The following HCRTR2 variants were observed in gnomAD, a reference collection of about 807,000 sequenced individuals.
HCRTR2 encodes hypocretin receptor 2, also known as orexin receptor type 2.
A neutral mutation model predicts 49.0 loss-of-function variants in HCRTR2; 22 were observed. That is an observed-to-expected ratio of 0.45 (90% confidence interval 0.32 to 0.64). The LOEUF (loss-of-function observed/expected upper bound fraction) is 0.64, where lower values mean the gene tolerates loss of function less well. Among genes scored for constraint, HCRTR2 ranks in the 30% least tolerant of loss-of-function variants. The probability of loss-of-function intolerance (pLI) is 0.04; values close to 1 mark genes in which losing one functional copy is unlikely to be tolerated. For synonymous variants in HCRTR2, 236 were observed against 205.3 expected, an observed-to-expected ratio of 1.15 and a Z score of -1.28; for missense variants, 491 against 559.4, an observed-to-expected ratio of 0.88 and a Z score of 1.23.
At chr6:55,162,355 T>C (rs950546341) in intron 1 of HCRTR2, among the ~76,000 whole-genome samples, 12 of 152,156 alleles carry the variant, frequency 7.9e-5, no homozygotes, top group East Asian at 1.9e-4. Context: ...ATAAGAGCTA[T>C]TTATGACAAA....
At chr6:55,262,128 G>C (rs1014473095) in intron 3 of HCRTR2, among the ~76,000 whole-genome samples, 1 of 151,514 alleles carries the variant, frequency 6.6e-6, no homozygotes, top group South Asian at 2.1e-4. Flanking sequence ...GTGAGGGAGA[G>C]GGGGTGAAGG....
intron 1 of HCRTR2, among the ~76,000 whole-genome samples, chr6:55,229,269 T>A (rs908637454): frequency 1.3e-5 from 2 of 152,196 alleles, no homozygotes; most frequent in African/African-American, 4.8e-5. Flanking sequence ...ACTCAAGTGA[T>A]CCTTTCACCT....
intron 1 of HCRTR2, among the ~76,000 whole-genome samples, chr6:55,204,555 C>T (rs1016006369): frequency 1.3e-5 from 2 of 151,962 alleles, no homozygotes; most frequent in Non-Finnish European, 2.9e-5. Flanking sequence ...AGCCTGATAG[C>T]TTGGATCAAG....
intron 1 of HCRTR2, among the ~76,000 whole-genome samples, chr6:55,197,643 A>T (rs986915477): frequency 6.6e-6 from 1 of 151,898 alleles, no homozygotes; most frequent in African/African-American, 2.4e-5. Context: ...TTTTTTTGAG[A>T]TGGAGTCTCG....
chr6:55,283,187 A>C (rs75411348), downstream of HCRTR2, among the ~76,000 whole-genome samples: 6 of 152,202 alleles, frequency 3.9e-5, no homozygotes, highest in African/African-American at 1.4e-4. Flanking sequence ...CAACAACAAC[A>C]AAAAGTGATA....
At chr6:55,149,676 A>G (rs1450123071) in intron 1 of HCRTR2, among the ~76,000 whole-genome samples, 1 of 152,084 alleles carries the variant, frequency 6.6e-6, no homozygotes, top group Non-Finnish European at 1.5e-5. Context: ...TTGACCATAT[A>G]AAGAACTTTT....
At position 55,205,964 on chromosome 6, in the gene HCRTR2, T is replaced by C. The variant is rs1361098384; in HGVS notation, c.223+31154T>C. ...CATGTACCCCATAAATATATACATC[T>C]ACTATGTACCCACAAAAATTAGAAA... On this transcript the variant is annotated intron_variant, in intron 1 of 6. Transcript: ENST00000370862. 1.3e-4 allele frequency among the ~76,000 whole-genome samples: 20 copies of C among 152,108 alleles called. 1 individual carries two copies. The highest frequency in any genetic ancestry group is 1.3e-3 in the Admixed American group (20 of 15,268).
intron 6 of HCRTR2, among the ~76,000 whole-genome samples, chr6:55,281,062 CGACT>C (rs1581876708): frequency 6.6e-6 from 1 of 152,008 alleles, no homozygotes; most frequent in African/African-American, 2.4e-5. Flanking sequence ...ACATTTTGCC[CGACT>C]GACTTTTAGA....
chr6:55,143,159 T>C (rs1764533055), intron 1 of HCRTR2, among the ~76,000 whole-genome samples: 1 of 134,660 alleles, frequency 7.4e-6, no homozygotes. Flanking sequence ...TTTCCAGTAT[T>C]TACCAATTAT....
rs117200306 is a variant in HCRTR2, at chr6:55,186,107, C to T, written c.223+11297C>T. ...AATTTATTGTTCATTTTTCTGTTGT[C>T]TCCCTTAAGTAAAAGGTAAGCTGCA... On this transcript the variant is annotated intron_variant, in intron 1 of 6. Transcript: ENST00000370862. 4.9e-4 allele frequency among the ~76,000 whole-genome samples: 75 copies of T among 152,262 alleles called. No individual in the cohort carries two copies. The East Asian group carries it at 0.013, about 26-fold the overall frequency.
At chr6:55,227,567 A>C (rs948394747) in intron 1 of HCRTR2, among the ~76,000 whole-genome samples, 17 of 152,216 alleles carry the variant, frequency 1.1e-4, no homozygotes, top group African/African-American at 4.8e-5. Flanking sequence ...TGTGTATTAC[A>C]TACAATCAAA....
intron 1 of HCRTR2, among the ~76,000 whole-genome samples, chr6:55,213,191 A>C (rs1043142659): frequency 3.9e-5 from 6 of 152,202 alleles, no homozygotes; most frequent in African/African-American, 7.2e-5. Context: ...GAACATAGAA[A>C]GGTAGAGTGG....
chr6:55,281,179 A>T (rs1050690087), intron 6 of HCRTR2, among the ~76,000 whole-genome samples: 16 of 152,172 alleles, frequency 1.1e-4, no homozygotes, highest in Non-Finnish European at 2.2e-4. Flanking sequence ...TTTATGTGGA[A>T]GAATAGAAAT....
intron 1 of HCRTR2, among the ~76,000 whole-genome samples, chr6:55,145,601 G>A (rs1021169250): frequency 3.9e-5 from 6 of 151,974 alleles, no homozygotes; most frequent in African/African-American, 1.2e-4. Context: ...ATTTTTAGTA[G>A]AGACGGGGTT....
chr6:55,226,138 T>C (rs1177671773), intron 1 of HCRTR2, among the ~76,000 whole-genome samples: 1 of 152,196 alleles, frequency 6.6e-6, no homozygotes, highest in Non-Finnish European at 1.5e-5. Flanking sequence ...CTTTAAAAGA[T>C]GTGCTGAATC....
At position 55,267,401 on chromosome 6, in the gene HCRTR2, TCTG is replaced by T. The variant is rs1407218805; in HGVS notation, c.762+3580_762+3582del. On this transcript the variant is annotated intron_variant, in intron 4 of 6. Coordinates refer to ENST00000370862, the MANE Select transcript of HCRTR2 (RefSeq NM_001384272.1). The stretch of plus-strand genomic sequence containing the variant: ...GTGAACTACTTAAATTCTCTCTCTC[TCTG>T]TTTTTTTTTTTTTTTTTGGCAATTC... Among the ~76,000 whole-genome samples the T allele has an allele frequency of 2.3e-3, 320 of 138,834 alleles. 2 individuals carry two copies. The highest frequency in any genetic ancestry group is 8.9e-3 in the African/African-American group (304 of 34,092). 91.1% of individuals were successfully genotyped at this position (138,834 alleles called of 152,430 possible).
At chr6:55,139,446 A>G (rs1009246386) in intron 1 of HCRTR2, among the ~76,000 whole-genome samples, 16 of 152,296 alleles carry the variant, frequency 1.1e-4, no homozygotes, top group South Asian at 6.2e-4. Context: ...GATATACTAA[A>G]TTAACTGAAG....
At chr6:55,235,007 G>C (rs568907804) in intron 1 of HCRTR2, among the ~76,000 whole-genome samples, 1 of 152,164 alleles carries the variant, frequency 6.6e-6, no homozygotes, top group African/African-American at 2.4e-5. Context: ...GAAAATGATG[G>C]AACTACTACT....
At chr6:55,179,639 A>G (rs1309867477) in intron 1 of HCRTR2, among the ~76,000 whole-genome samples, 1 of 152,216 alleles carries the variant, frequency 6.6e-6, no homozygotes, top group Non-Finnish European at 1.5e-5. Context: ...TTGAAAAAAT[A>G]TATTTGGGAA....
Sources: gnomAD v4.1 joint callset for allele counts (sites outside exome capture counted in the v4.1 genomes callset) on GRCh38, gnomAD v4.1.1 for gene constraint, MANE v1.5 for transcripts, NCBI Gene and HGNC (gene_info 2026-07-23, HGNC 2026-07-21) for gene names.